The following DENND1B variants were observed in gnomAD, a reference collection of about 807,000 sequenced individuals.
DENND1B encodes the protein DENN domain-containing protein 1B.
In DENND1B, 59 loss-of-function variants were observed where a neutral mutation model predicts 90.1. That is an observed-to-expected ratio of 0.65 (90% CI 0.53 to 0.81). DENND1B has a LOEUF of 0.81. DENND1B is among the 40% of genes least tolerant of loss of function. The pLI, the probability that DENND1B is intolerant of heterozygous loss-of-function variation, is 0.00. For missense variants in DENND1B, 862 were observed against 912.6 expected (o/e 0.94, Z 0.71); for synonymous variants, 337 against 324.6 (o/e 1.04, Z -0.41).
intron 3 of DENND1B, among the ~76,000 whole-genome samples, chr1:197,679,546 T>C (rs967875159): frequency 2.6e-5 from 4 of 151,458 alleles, no homozygotes; most frequent in African/African-American, 9.7e-5. Context: ...AATTTTGGTA[T>C]CCATGGGGAT....
At chr1:197,756,134 A>G (rs1248977772) in intron 2 of DENND1B, among the ~76,000 whole-genome samples, 1 of 152,256 alleles carries the variant, frequency 6.6e-6, no homozygotes, top group Non-Finnish European at 1.5e-5. Context: ...TATCCTACAC[A>G]TAGTCTAGGA....
chr1:197,614,559 T>C (rs1418217192), intron 11 of DENND1B, among the ~76,000 whole-genome samples: 2 of 150,976 alleles, frequency 1.3e-5, no homozygotes, highest in African/African-American at 4.8e-5. Context: ...TTTCTTTCAA[T>C]GAAGTTATTT....
At chr1:197,717,998 G>A (rs1471169897) in intron 2 of DENND1B, among the ~76,000 whole-genome samples, 1 of 151,940 alleles carries the variant, frequency 6.6e-6, no homozygotes, top group Non-Finnish European at 1.5e-5. Flanking sequence ...TATTTTTCTT[G>A]ATTACGGGTT....
intron 3 of DENND1B, among the ~76,000 whole-genome samples, chr1:197,679,808 G>GTTTT (rs56246204): frequency 3.3e-5 from 3 of 92,022 alleles, no homozygotes; most frequent in South Asian, 4.1e-4. Context: ...TCCAAGGGTT[G>GTTTT]TTTTTTTTTT....
intron 13 of DENND1B, among the ~76,000 whole-genome samples, chr1:197,605,111 T>C (rs142415195): frequency 0.023 from 3,457 of 151,074 alleles, 58 homozygotes; most frequent in Non-Finnish European, 0.033. Context: ...ACACCACCTT[T>C]CAGTATAATT....
At chr1:197,629,680 TAATAA>T (rs956815686) in intron 10 of DENND1B, among the ~76,000 whole-genome samples, 3 of 151,420 alleles carry the variant, frequency 2.0e-5, no homozygotes, top group Non-Finnish European at 4.4e-5. Flanking sequence ...AGTATAATAA[TAATAA>T]AATAAAATAA....
intron 15 of DENND1B, among the ~76,000 whole-genome samples, chr1:197,559,814 C>G (rs2125700579): frequency 6.6e-6 from 1 of 152,034 alleles, no homozygotes; most frequent in East Asian, 1.9e-4. Context: ...CAATAAATTA[C>G]ATCAACAGAT....
intron 5 of DENND1B, among the ~76,000 whole-genome samples, chr1:197,665,951 A>C (rs553357417): frequency 6.6e-6 from 1 of 152,164 alleles, no homozygotes; most frequent in African/African-American, 2.4e-5. Flanking sequence ...TGGATAATCA[A>C]GCCATTATTA....
At chr1:197,529,266 G>GTATATA (rs1558206033) in intron 20 of DENND1B, among the ~76,000 whole-genome samples, 9 of 21,812 alleles carry the variant, frequency 4.1e-4, no homozygotes, top group South Asian at 2.6e-3. Flanking sequence ...GTGTGTGTGT[G>GTATATA]TGTATATGTA....
At chr1:197,515,192 T>G (rs1228316881) in intron 20 of DENND1B, among the ~76,000 whole-genome samples, 1 of 151,696 alleles carries the variant, frequency 6.6e-6, no homozygotes, top group Non-Finnish European at 1.5e-5. Context: ...AAGGAAGGAA[T>G]GAGTAGTAAA....
chr1:197,606,947 C>A (rs550715035), intron 13 of DENND1B, 126 bp downstream of exon 13: 7 of 669,010 alleles, frequency 1.0e-5, no homozygotes, highest in African/African-American at 5.6e-5. Context: ...ACATTGATTT[C>A]TCTCACACCC....
At chr1:197,774,573 C>T (rs1373411906) in intron 1 of DENND1B, 1 of 152,256 alleles carries the variant, frequency 6.6e-6, no homozygotes, top group East Asian at 1.9e-4. Flanking sequence ...TTGCAAGAAC[C>T]ATGCATCTAC....
intron 3 of DENND1B, among the ~76,000 whole-genome samples, chr1:197,690,820 G>T (rs918494922): frequency 2.6e-5 from 4 of 151,802 alleles, no homozygotes; most frequent in Admixed American, 1.3e-4. Flanking sequence ...TTTTTTGTGT[G>T]AGAGTTCTTA....
Position 197,722,321 on chromosome 1 carries a change from G to A in DENND1B, c.83-7247C>T, listed in dbSNP as rs576261025. Among the ~76,000 whole-genome samples the A allele has an allele frequency of 5.9e-5, 9 of 152,060 alleles. 1 individual carries two copies. Among genetic ancestry groups the A allele is most frequent in the African/African-American group, 1.4e-4 (6 of 41,520 alleles). ...ATCACCCAAAGTTACACTGTATCCT[G>A]TGTCTGGAGCTAGTAACTATTGAAG... is the stretch of plus-strand genomic sequence containing the variant. On this transcript the variant is annotated intron_variant, in intron 2 of 22. Transcript: ENST00000620048.
intron 10 of DENND1B, among the ~76,000 whole-genome samples, chr1:197,641,029 C>T (rs559679336): frequency 6.6e-6 from 1 of 152,324 alleles, no homozygotes; most frequent in South Asian, 2.1e-4. Context: ...ACCCTGTAAA[C>T]CCACTCACTT....
At chr1:197,525,339 G>A (rs920991955) in intron 20 of DENND1B, among the ~76,000 whole-genome samples, 2 of 152,006 alleles carry the variant, frequency 1.3e-5, no homozygotes, top group African/African-American at 4.8e-5. Context: ...ATTGATCAGT[G>A]CAAATACAAG....
chr1:197,719,112 G>A (rs1660919003), intron 2 of DENND1B, among the ~76,000 whole-genome samples: 1 of 152,156 alleles, frequency 6.6e-6, no homozygotes, highest in Non-Finnish European at 1.5e-5. Context: ...GGGTAGGAAG[G>A]AGGTGGCCGA....
chr1:197,707,803 TC>T (rs1315537759), intron 3 of DENND1B, among the ~76,000 whole-genome samples: 1 of 147,580 alleles, frequency 6.8e-6, no homozygotes, highest in Non-Finnish European at 1.5e-5. Flanking sequence ...TTTCTGCATT[TC>T]CATCTGAGGT....
chr1:197,744,576 T>A (rs1295880582), intron 2 of DENND1B, among the ~76,000 whole-genome samples: 2 of 152,206 alleles, frequency 1.3e-5, no homozygotes, highest in Non-Finnish European at 2.9e-5. Flanking sequence ...AGATGTGCTG[T>A]CATTCAGGCT....
Sources: allele counts gnomAD v4.1 joint callset (sites outside exome capture counted in the v4.1 genomes callset), GRCh38; gene constraint gnomAD v4.1.1; transcripts MANE v1.5; gene names NCBI Gene and HGNC (gene_info 2026-07-23, HGNC 2026-07-21).